RIMS2: variants seen among roughly 807,000 people sequenced by gnomAD.
RIMS2 encodes the protein regulating synaptic membrane exocytosis protein 2.
RIMS2 carries 59 observed loss-of-function variants against 174.4 expected under a neutral mutation model. The ratio of observed to expected loss-of-function variants is 0.34; its 90% CI spans 0.27 to 0.42. The LOEUF (loss-of-function observed/expected upper bound fraction) is 0.42, where lower values mean the gene tolerates loss of function less well. Ranked by LOEUF, RIMS2 falls within the 10% of genes least tolerant of loss-of-function variation. RIMS2 has a pLI of 1.00. For missense variants in RIMS2, 1,620 were observed against 1,666.3 expected (o/e 0.97, Z 0.48); for synonymous variants, 606 against 572.5 (o/e 1.06, Z -0.84).
chr8:104,163,596 T>C (rs1470689757), intron 19 of RIMS2, among the ~76,000 whole-genome samples: 2 of 152,116 alleles, frequency 1.3e-5, no homozygotes, highest in Admixed American at 6.5e-5. Flanking sequence ...GTGCATACAA[T>C]GAGGAAGAGA....
At chr8:103,687,211 A>G (rs1016769919) in intron 1 of RIMS2, among the ~76,000 whole-genome samples, 2 of 152,052 alleles carry the variant, frequency 1.3e-5, no homozygotes, top group Non-Finnish European at 2.9e-5. Context: ...ACATACATAC[A>G]TATGGGCATA....
intron 3 of RIMS2, among the ~76,000 whole-genome samples, chr8:103,828,202 T>C (rs1236422935): frequency 6.6e-6 from 1 of 152,220 alleles, no homozygotes; most frequent in Admixed American, 6.5e-5. Context: ...TATTCTGACC[T>C]CATGAAATGA....
In RIMS2 at chr8:103,703,606, G is replaced by A. The variant is rs1309252807; in HGVS notation, c.387+6310G>A. 2.0e-5 allele frequency among the ~76,000 whole-genome samples: 3 copies of A among 151,902 alleles called. No homozygotes were observed. The East Asian group carries it at 5.8e-4, about 29-fold the overall frequency. On this transcript the variant is annotated intron_variant, in intron 2 of 23. Coordinates refer to ENST00000504942, the Ensembl canonical transcript of RIMS2. The stretch of plus-strand genomic sequence containing the variant: ...TGGTAGTTTCAACATTTTAACAGTA[G>A]CAATTCTTTCAATCCATGATAATAG...
chr8:104,053,881 G>T (rs530516689), intron 19 of RIMS2, among the ~76,000 whole-genome samples: 1 of 152,072 alleles, frequency 6.6e-6, no homozygotes, highest in East Asian at 1.9e-4. Context: ...GGGACACTGT[G>T]CAGAGAATAT....
intron 2 of RIMS2, among the ~76,000 whole-genome samples, chr8:103,728,234 A>AT (rs1199199343): frequency 1.3e-5 from 2 of 151,616 alleles, no homozygotes; most frequent in South Asian, 2.1e-4. Flanking sequence ...TCTTTTTCAG[A>AT]TTTTTTACTG....
At chr8:104,001,325 G>C (rs2095377771) in intron 17 of RIMS2, among the ~76,000 whole-genome samples, 1 of 151,774 alleles carries the variant, frequency 6.6e-6, no homozygotes, top group Admixed American at 6.6e-5. Context: ...TTATATATTT[G>C]TATCAAAATG....
At chr8:104,039,640 G>C (rs2096575676) in intron 19 of RIMS2, among the ~76,000 whole-genome samples, 1 of 151,638 alleles carries the variant, frequency 6.6e-6, no homozygotes, top group Admixed American at 6.6e-5. Flanking sequence ...ACTTGTGAGG[G>C]AACTATTTTA....
intron 19 of RIMS2, among the ~76,000 whole-genome samples, chr8:104,114,239 C>T (rs1007433802): frequency 1.3e-5 from 2 of 151,888 alleles, no homozygotes; most frequent in Non-Finnish European, 2.9e-5. Flanking sequence ...TCTATTTTGG[C>T]ATTTTAAATA....
chr8:104,152,525 T>C (rs13270385), intron 19 of RIMS2, among the ~76,000 whole-genome samples: 50,012 of 151,930 alleles, frequency 0.33, 8,486 homozygotes, highest in South Asian at 0.51. Flanking sequence ...GTTTTAATTA[T>C]GCTTTATTTT....
chr8:103,910,136 G>A (rs548043475), exon 5 of RIMS2: 3 of 1,604,204 alleles, frequency 1.9e-6, no homozygotes, highest in Non-Finnish European at 2.6e-6. Flanking sequence ...TCTCACAGGA[G>A]ACATGGATTA....
At chr8:104,166,011 A>G (rs12550809) in intron 19 of RIMS2, among the ~76,000 whole-genome samples, 2 of 150,460 alleles carry the variant, frequency 1.3e-5, no homozygotes, top group Admixed American at 6.6e-5. Context: ...ACAAAATGCT[A>G]TAAGATTTCA....
intron 19 of RIMS2, among the ~76,000 whole-genome samples, chr8:104,042,173 G>A (rs1019490938): frequency 6.6e-6 from 1 of 151,452 alleles, no homozygotes; most frequent in African/African-American, 2.4e-5. Context: ...CCCTGGGGAG[G>A]ATGGATATTA....
chr8:104,225,550 T>G (rs1349335211), intron 19 of RIMS2, among the ~76,000 whole-genome samples: 1 of 152,240 alleles, frequency 6.6e-6, no homozygotes, highest in Non-Finnish European at 1.5e-5. Flanking sequence ...CTTTAAATTA[T>G]GATTAGGATT....
At chr8:103,851,619 T>G (rs1290593306) in intron 3 of RIMS2, among the ~76,000 whole-genome samples, 1 of 150,102 alleles carries the variant, frequency 6.7e-6, no homozygotes, top group Non-Finnish European at 1.5e-5. Flanking sequence ...TAGATGTGTA[T>G]GCCTGTGTCT....
At chr8:104,247,056 T>C (rs1588203313) in intron 20 of RIMS2, among the ~76,000 whole-genome samples, 1 of 152,178 alleles carries the variant, frequency 6.6e-6, no homozygotes, top group East Asian at 1.9e-4. Context: ...ACAAGGCTGC[T>C]ACAGGAATAC....
intron 2 of RIMS2, among the ~76,000 whole-genome samples, chr8:103,718,704 G>T (rs988215202): frequency 6.6e-6 from 1 of 151,738 alleles, no homozygotes; most frequent in African/African-American, 2.4e-5. Flanking sequence ...CACTCACTCT[G>T]TTGCCCAGGC....
At chr8:103,622,947 G>C (rs1165994498) in intron 1 of RIMS2, among the ~76,000 whole-genome samples, 4 of 152,170 alleles carry the variant, frequency 2.6e-5, no homozygotes, top group Non-Finnish European at 4.4e-5. Context: ...GCTGTCAAAG[G>C]AACCTGCTGT....
In RIMS2 at chr8:104,109,198, G is replaced by A. The variant is rs1024504328; in HGVS notation, c.3334+94583G>A. Among the ~76,000 whole-genome samples the A allele has an allele frequency of 5.3e-5, 8 of 150,578 alleles. No individual in the cohort carries two copies. The South Asian group carries it at 6.3e-4, about 12-fold the overall frequency. On this transcript the variant is annotated intron_variant, in intron 19 of 23. Coordinates refer to ENST00000504942, the Ensembl canonical transcript of RIMS2. The stretch of plus-strand genomic sequence containing the variant: ...TGTAGACCCAGCTACTCCGGAGGCC[G>A]AGGCAGGAGAATGGCATGAACCTGG...
intron 17 of RIMS2, among the ~76,000 whole-genome samples, chr8:103,998,683 G>T (rs942118877): frequency 1.3e-5 from 2 of 151,804 alleles, no homozygotes; most frequent in South Asian, 2.1e-4. Context: ...AAGTGCTTAG[G>T]TTGAACTGAT....
Sources: gnomAD v4.1 joint callset for allele counts (sites outside exome capture counted in the v4.1 genomes callset) on GRCh38, gnomAD v4.1.1 for gene constraint, MANE v1.5 for transcripts, NCBI Gene and HGNC (gene_info 2026-07-23, HGNC 2026-07-21) for gene names.